RBFOX1: variants seen among roughly 807,000 people sequenced by gnomAD.
The protein encoded by RBFOX1 is RNA binding protein fox-1 homolog 1.
In RBFOX1, 8 loss-of-function variants were observed where a neutral mutation model predicts 57.7. The ratio of observed to expected loss-of-function variants is 0.14; its 90% CI spans 0.08 to 0.25. The LOEUF (loss-of-function observed/expected upper bound fraction) is 0.25, where lower values mean the gene tolerates loss of function less well. Among genes scored for constraint, RBFOX1 ranks in the 10% least tolerant of loss-of-function variants. RBFOX1 has a pLI of 1.00. For synonymous variants in RBFOX1, 326 were observed against 222.4 expected, an observed-to-expected ratio of 1.47 and a Z score of -4.15; for missense variants, 611 against 548.5, an observed-to-expected ratio of 1.11 and a Z score of -1.14.
At chr16:6,574,311 C>T (rs547336370) in intron 2 of RBFOX1, among the ~76,000 whole-genome samples, 1 of 152,042 alleles carries the variant, frequency 6.6e-6, no homozygotes, top group African/African-American at 2.4e-5. Flanking sequence ...CTAGGTCTCC[C>T]CATGGCAACA....
At chr16:7,458,653 C>G (rs926806594) in intron 4 of RBFOX1, among the ~76,000 whole-genome samples, 1 of 152,108 alleles carries the variant, frequency 6.6e-6, no homozygotes, top group African/African-American at 2.4e-5. Flanking sequence ...TTTTTGACCA[C>G]TATGTCTTTT....
intron 10 of RBFOX1, among the ~76,000 whole-genome samples, chr16:7,617,035 A>G (rs2058561161): frequency 6.6e-6 from 1 of 152,142 alleles, no homozygotes; most frequent in African/African-American, 2.4e-5. Flanking sequence ...GACATCTGTA[A>G]TGATGGTAGT....
Position 6,524,783 on chromosome 16 carries a change from T to G in RBFOX1, c.-63-129820T>G, listed in dbSNP as rs72760987. 1.7e-3 allele frequency among the ~76,000 whole-genome samples: 258 copies of G among 152,236 alleles called. 2 individuals carry two copies. The highest frequency in any genetic ancestry group is 2.7e-3 in the Non-Finnish European group (182 of 68,016). Reference sequence around the variant, plus strand: ...TGTCAGCATCCTTGGCATTCCTTGGTGTGTATTGTCATTGCCCCACCTTCT... The same window carrying G: ...TGTCAGCATCCTTGGCATTCCTTGGGGTGTATTGTCATTGCCCCACCTTCT... On this transcript the variant is annotated intron_variant, in intron 2 of 15. Transcript: ENST00000550418.
intron 4 of RBFOX1, among the ~76,000 whole-genome samples, chr16:7,257,015 C>T (rs969450121): frequency 4.6e-5 from 7 of 152,158 alleles, no homozygotes; most frequent in Non-Finnish European, 8.8e-5. Context: ...CTCCTCTCCC[C>T]CTCTGATCCG....
chr16:5,314,925 AT>A (rs910367495), intron 1 of RBFOX1, among the ~76,000 whole-genome samples: 1 of 151,960 alleles, frequency 6.6e-6, no homozygotes, highest in Non-Finnish European at 1.5e-5. Context: ...ACCGTTTTGA[AT>A]TTTTTTTAAT....
chr16:6,473,120 C>G (rs1036892524), intron 2 of RBFOX1, among the ~76,000 whole-genome samples: 1 of 152,164 alleles, frequency 6.6e-6, no homozygotes, highest in African/African-American at 2.4e-5. Flanking sequence ...GGATGCCCTG[C>G]AACACATGGA....
At chr16:5,642,503 A>G (rs977386545) in intron 3 of RBFOX1, among the ~76,000 whole-genome samples, 1 of 152,224 alleles carries the variant, frequency 6.6e-6, no homozygotes, top group Non-Finnish European at 1.5e-5. Context: ...TCGCTCTTAA[A>G]TGCTGCAATC....
chr16:6,279,446 G>T (rs541966976), intron 1 of RBFOX1, among the ~76,000 whole-genome samples: 3 of 152,328 alleles, frequency 2.0e-5, no homozygotes, highest in East Asian at 3.9e-4. Flanking sequence ...AGCTTCCTCT[G>T]CAGAAGAGTG....
At chr16:7,488,790 A>T (rs1396099689) in intron 4 of RBFOX1, among the ~76,000 whole-genome samples, 1 of 152,198 alleles carries the variant, frequency 6.6e-6, no homozygotes, top group Non-Finnish European at 1.5e-5. Flanking sequence ...CTATCTATAC[A>T]TATCCATACA....
At chr16:7,298,985 A>G (rs918452160) in intron 4 of RBFOX1, among the ~76,000 whole-genome samples, 3 of 152,220 alleles carry the variant, frequency 2.0e-5, no homozygotes, top group African/African-American at 7.2e-5. Flanking sequence ...TTTACAAGCA[A>G]TGGTGGAGTG....
chr16:5,613,461 G>T (rs900190397), intron 3 of RBFOX1, among the ~76,000 whole-genome samples: 6 of 152,186 alleles, frequency 3.9e-5, no homozygotes, highest in African/African-American at 1.4e-4. Context: ...GCACAGGGTT[G>T]CAGCCCTGAT....
chr16:6,895,490 A>AT (rs2066657592), intron 3 of RBFOX1, among the ~76,000 whole-genome samples: 1 of 123,580 alleles, frequency 8.1e-6, no homozygotes, highest in East Asian at 2.6e-4. Context: ...ATATATATTT[A>AT]TTCCCCTATT....
rs1052253365 is a variant in RBFOX1 at position 6,457,448 on chromosome 16, C to A, written c.-64+140391C>A. 2.0e-5 allele frequency among the ~76,000 whole-genome samples: 3 copies of A among 148,172 alleles called. 1 individual carries two copies. Among genetic ancestry groups the A allele is most frequent in the Non-Finnish European group, 3.0e-5 (2 of 65,922 alleles). ...GTGAATTTCCGGAAGTCCCCCCCCC[C>A]GCAATAGCTTTGATTTGACATGGAG... On this transcript the variant is annotated intron_variant, in intron 2 of 15. Coordinates refer to ENST00000550418, the MANE Select transcript of RBFOX1 (RefSeq NM_018723.4).
At chr16:6,749,936 G>T (rs753105453) in intron 3 of RBFOX1, among the ~76,000 whole-genome samples, 3 of 152,180 alleles carry the variant, frequency 2.0e-5, no homozygotes, top group Non-Finnish European at 4.4e-5. Flanking sequence ...GACTGTGTCA[G>T]GGTGTTCAGA....
chr16:7,137,122 A>G (rs921298666), intron 4 of RBFOX1, among the ~76,000 whole-genome samples: 116 of 152,356 alleles, frequency 7.6e-4, no homozygotes, highest in African/African-American at 2.5e-3. Flanking sequence ...TCTAAAATAA[A>G]TACCTAAAGA....
intron 1 of RBFOX1, among the ~76,000 whole-genome samples, chr16:5,345,056 C>A (rs2065111475): frequency 6.6e-6 from 1 of 152,228 alleles, no homozygotes. Context: ...CCGTCCTCCC[C>A]CTTTTGTCAA....
chr16:7,560,245 A>G (rs914302426), intron 5 of RBFOX1, among the ~76,000 whole-genome samples: 1 of 152,142 alleles, frequency 6.6e-6, no homozygotes, highest in African/African-American at 2.4e-5. Flanking sequence ...AGAACCCCCT[A>G]TGGGGGGTGG....
intron 2 of RBFOX1, among the ~76,000 whole-genome samples, chr16:5,471,220 C>A (rs2069123489): frequency 6.6e-6 from 1 of 152,294 alleles, no homozygotes; most frequent in East Asian, 1.9e-4. Context: ...CTAAAAAGTT[C>A]TTAGTCGGAT....
At chr16:6,527,152 C>G (rs555938932) in intron 2 of RBFOX1, among the ~76,000 whole-genome samples, 2 of 152,014 alleles carry the variant, frequency 1.3e-5, no homozygotes, top group Non-Finnish European at 2.9e-5. Context: ...TTAAAACATT[C>G]AAAAATATAA....
Sources: allele counts gnomAD v4.1 joint callset (sites outside exome capture counted in the v4.1 genomes callset), GRCh38; gene constraint gnomAD v4.1.1; transcripts MANE v1.5; gene names NCBI Gene and HGNC (gene_info 2026-07-23, HGNC 2026-07-21).